The following SLC24A5 variants were observed in gnomAD, a reference collection of about 807,000 sequenced individuals.
SLC24A5 encodes the protein sodium/potassium/calcium exchanger 5.
In SLC24A5, 46 loss-of-function variants were observed where a neutral mutation model predicts 51.6. The ratio of observed to expected loss-of-function variants is 0.89; its 90% CI spans 0.70 to 1.14. The LOEUF (loss-of-function observed/expected upper bound fraction) is 1.14. Ranked by LOEUF, SLC24A5 falls within the 50% of genes most tolerant of loss-of-function variation. The probability of loss-of-function intolerance (pLI) is 0.00; values close to 1 mark genes in which losing one functional copy is unlikely to be tolerated. For missense variants in SLC24A5, 581 were observed against 604.1 expected (o/e 0.96, Z 0.40); for synonymous variants, 230 against 214.9 (o/e 1.07, Z -0.62).
rs115878304 is a variant in SLC24A5, at chr15:48,139,285, T to C, written c.1078+110T>C. ...CACAGCAAATTTCTTTTCAGCAAGATTGAAGATTAGTACCATTTACAAAAT... is the reference window on the plus strand; with the variant it reads ...CACAGCAAATTTCTTTTCAGCAAGACTGAAGATTAGTACCATTTACAAAAT... On this transcript the variant is annotated intron_variant, in intron 7 of 8. Transcript: ENST00000341459. 3.6e-3 allele frequency: 3,066 copies of C among 843,420 alleles called. 67 individuals carry two copies. The African/African-American group carries it at 0.047, about 13-fold the overall frequency. The allele number at this position is 843,420 out of a possible 1,614,324, so 52.2% of individuals were successfully genotyped here. A position where few individuals can be genotyped will look rare whatever the true frequency, so the allele number is the denominator to read the frequency against.
intron 1 of SLC24A5, 144 bp downstream of exon 1, chr15:48,121,309 C>G (rs1048788739): frequency 1.1e-6 from 1 of 901,906 alleles, no homozygotes; most frequent in African/African-American, 1.7e-5. Context: ...AAAAAGATAT[C>G]AAACACTTTT....
At chr15:48,142,008 C>T (rs1555454221) in intron 8 of SLC24A5, 21 bp from the exon 9 acceptor site, 1 of 1,545,784 alleles carries the variant, frequency 6.5e-7, no homozygotes, top group Non-Finnish European at 8.9e-7. Flanking sequence ...CACATTTTAA[C>T]AGTATGCTTT....
chr15:48,138,254 G>A (rs1229476061), intron 6 of SLC24A5: 1 of 151,826 alleles, frequency 6.6e-6, no homozygotes, highest in Non-Finnish European at 1.5e-5. Context: ...TTTTGTAAAT[G>A]CCATACAAAT....
chr15:48,132,682 TGA>T (rs1011566629), intron 2 of SLC24A5, among the ~76,000 whole-genome samples: 4 of 152,114 alleles, frequency 2.6e-5, no homozygotes, highest in Admixed American at 2.0e-4. Flanking sequence ...TAGAATCACC[TGA>T]GAGCTCACTC....
intron 5 of SLC24A5, chr15:48,135,241 A>C: frequency 3.3e-6 from 1 of 301,020 alleles, no homozygotes; most frequent in South Asian, 6.0e-5. Flanking sequence ...CCTTCTCCCC[A>C]CTGGCTGCCT....
intron 5 of SLC24A5, 30 bp from the exon 6 acceptor site, chr15:48,136,653 A>T: frequency 6.4e-7 from 1 of 1,563,286 alleles, no homozygotes; most frequent in South Asian, 1.2e-5. Context: ...TTTCACTTTT[A>T]ATTTAAAAAC....
chr15:48,122,192 G>A, intron 2 of SLC24A5, 156 bp downstream of exon 2: 2 of 751,476 alleles, frequency 2.7e-6, no homozygotes, highest in Non-Finnish European at 4.6e-6. Context: ...GGAACTGGTC[G>A]AGTGTGGTTT....
intron 7 of SLC24A5, 79 bp downstream of exon 7, chr15:48,139,254 T>C: frequency 2.5e-6 from 3 of 1,196,536 alleles, no homozygotes; most frequent in Non-Finnish European, 3.6e-6. Flanking sequence ...CAAAGTAGTC[T>C]AGCTACACAG....
intron 8 of SLC24A5, 131 bp downstream of exon 8, chr15:48,141,345 G>A (rs370190944): frequency 6.3e-5 from 39 of 614,978 alleles, no homozygotes; most frequent in East Asian, 4.2e-4. Context: ...TTGGGAGGCC[G>A]AGGCGGGTGG....
chr15:48,138,914 CTAACT>C, intron 6 of SLC24A5, 50 bp from the exon 7 acceptor site: 1 of 1,328,696 alleles, frequency 7.5e-7, no homozygotes, highest in Non-Finnish European at 1.1e-6. Flanking sequence ...ATAGGCATTT[CTAACT>C]TAATTAGCCA....
chr15:48,134,626 T>A, intron 4 of SLC24A5, 88 bp downstream of exon 4: 2 of 945,900 alleles, frequency 2.1e-6, no homozygotes, highest in African/African-American at 1.7e-5. Flanking sequence ...AACAGGGCAC[T>A]AATAATATGT....
chr15:48,139,227 A>T (rs930578480), intron 7 of SLC24A5, 52 bp downstream of exon 7: 2 of 1,452,298 alleles, frequency 1.4e-6, no homozygotes, highest in Non-Finnish European at 1.9e-6. Flanking sequence ...TATAAGAACA[A>T]ATTGCATATG....
chr15:48,132,837 C>T (rs1424551029), intron 2 of SLC24A5, among the ~76,000 whole-genome samples: 2 of 152,042 alleles, frequency 1.3e-5, no homozygotes, highest in East Asian at 3.9e-4. Flanking sequence ...GCAGGACTTA[C>T]CATGTCGTAG....
At chr15:48,126,099 A>G (rs532615048) in intron 2 of SLC24A5, among the ~76,000 whole-genome samples, 1 of 152,096 alleles carries the variant, frequency 6.6e-6, no homozygotes, top group African/African-American at 2.4e-5. Context: ...TTTTGGACCT[A>G]TGTATGTTGG....
chr15:48,133,373 T>C (rs934643977), intron 2 of SLC24A5, among the ~76,000 whole-genome samples: 8 of 152,120 alleles, frequency 5.3e-5, no homozygotes, highest in African/African-American at 1.7e-4. Flanking sequence ...GCCTACGGCT[T>C]TCTCTGTTCC....
At chr15:48,130,969 T>C (rs547771930) in intron 2 of SLC24A5, among the ~76,000 whole-genome samples, 2 of 152,258 alleles carry the variant, frequency 1.3e-5, no homozygotes, top group African/African-American at 4.8e-5. Flanking sequence ...TCTCAACATT[T>C]CAGATCCTTG....
At position 48,142,263 on chromosome 15, in the gene SLC24A5, T is replaced by A. The variant is rs747586461; in HGVS notation, c.1415T>A (p.Leu472Gln). The change falls in exon 9 of 9, where the codon CTA becomes CAA. Residue 472 changes from leucine to glutamine, a missense_variant. Leu to Gln is a moderately radical substitution (Grantham distance 113). Transcript: ENST00000341459. ...KLDRKLGIVC[L>Q]LSYLGLATLS... ...GACAGAAAGTTGGGAATAGTCTGCC[T>A]ATTATCATACTTGGGGCTTGCTACA... 2.2e-5 allele frequency: 36 copies of A among 1,613,646 alleles called. No homozygotes were observed. Among genetic ancestry groups the A allele is most frequent in the Non-Finnish European group, 3.0e-5 (35 of 1,179,778 alleles).
chr15:48,136,500 C>A, intron 5 of SLC24A5, 183 bp from the exon 6 acceptor site: 1 of 473,774 alleles, frequency 2.1e-6, no homozygotes, highest in Non-Finnish European at 3.5e-6. Flanking sequence ...CAGCTTTTAT[C>A]AATAAACATA....
In SLC24A5 at chr15:48,136,519, G is replaced by A. The variant is rs1244988400; in HGVS notation, c.591-164G>A. ...TTTTATCAATAAACATAATAATGCT[G>A]TAATCAAGTCTGGACAAATCTACAA... On this transcript the variant is annotated intron_variant, in intron 5 of 8. Transcript: ENST00000341459. The A allele has an allele frequency of 1.4e-5, 8 of 569,258 alleles. No homozygotes were observed. The East Asian group carries it at 2.1e-4, about 15-fold the overall frequency. The allele number at this position is 569,258 out of a possible 1,614,324, so 35.3% of individuals were successfully genotyped here.
Sources: allele counts gnomAD v4.1 joint callset (sites outside exome capture counted in the v4.1 genomes callset), GRCh38; gene constraint gnomAD v4.1.1; transcripts MANE v1.5; gene names NCBI Gene and HGNC (gene_info 2026-07-23, HGNC 2026-07-21).